Variants in ANK3 observed in about 807,000 individuals in gnomAD.
The protein encoded by ANK3 is ankyrin 3, also known as ankyrin-3.
A neutral mutation model predicts 370.9 loss-of-function variants in ANK3; 57 were observed. That is an observed-to-expected ratio of 0.15 (90% CI 0.12 to 0.19). ANK3 has a LOEUF of 0.19. Ranked by LOEUF, ANK3 falls within the 10% of genes least tolerant of loss-of-function variation. The pLI is 1.00. For missense variants in ANK3, 4,439 were observed against 5,302.1 expected (o/e 0.84, Z 5.06); for synonymous variants, 1,929 against 1,946.3 (o/e 0.99, Z 0.23).
At chr10:60,366,930 C>T (rs993104289) in intron 1 of ANK3, among the ~76,000 whole-genome samples, 2 of 152,124 alleles carry the variant, frequency 1.3e-5, no homozygotes, top group African/African-American at 4.8e-5. Context: ...AATGAAAAAA[C>T]GTGCTCTATT....
intron 2 of ANK3, among the ~76,000 whole-genome samples, chr10:60,509,465 A>G (rs2076025034): frequency 6.6e-6 from 1 of 152,178 alleles, no homozygotes; most frequent in Non-Finnish European, 1.5e-5. Context: ...CATGTTCAAG[A>G]ATGGCAAAGC....
At chr10:60,214,149 A>T (rs912675995) in intron 8 of ANK3, among the ~76,000 whole-genome samples, 22 of 152,244 alleles carry the variant, frequency 1.4e-4, no homozygotes, top group African/African-American at 5.1e-4. Context: ...TGTATTAAAA[A>T]TTTCTCTTTT....
At chr10:60,628,864 A>G (rs1595362905) in intron 1 of ANK3, among the ~76,000 whole-genome samples, 1 of 152,210 alleles carries the variant, frequency 6.6e-6, no homozygotes, top group Non-Finnish European at 1.5e-5. Flanking sequence ...AATTGACATG[A>G]CATGCCTAAC....
intron 34 of ANK3, 54 bp downstream of exon 34, chr10:60,082,561 G>A: frequency 6.3e-7 from 1 of 1,590,768 alleles, no homozygotes; most frequent in South Asian, 1.2e-5. Context: ...GCATACCAAA[G>A]GCCCACTTCT....
rs113650779 is a variant in ANK3, at chr10:60,170,995, A to G, written c.2478+1313T>C. On this transcript the variant is annotated intron_variant, in intron 21 of 43. Transcript: ENST00000280772. The stretch of plus-strand genomic sequence containing the variant: ...GACTTCAAATCTTTATAGCATTGTG[A>G]CACTTGGCTATCGTTAAATAGTTTG... Among the ~76,000 whole-genome samples, 586 of 152,308 alleles carry G rather than the reference A, an allele frequency of 3.8e-3. 4 individuals carry two copies. Among genetic ancestry groups the G allele is most frequent in the African/African-American group, 0.013 (559 of 41,572 alleles).
chr10:60,678,282 G>A (rs2079152183), intron 1 of ANK3, among the ~76,000 whole-genome samples: 1 of 152,178 alleles, frequency 6.6e-6, no homozygotes, highest in African/African-American at 2.4e-5. Context: ...AGTAAAATAG[G>A]TTATCGTATG....
chr10:60,126,592 G>C (rs1388379707), intron 25 of ANK3, among the ~76,000 whole-genome samples: 1 of 151,964 alleles, frequency 6.6e-6, no homozygotes, highest in East Asian at 1.9e-4. Flanking sequence ...GGAGGCTGAG[G>C]CATGAAAACT....
chr10:60,675,748 T>C (rs2079116440), intron 1 of ANK3, among the ~76,000 whole-genome samples: 1 of 152,220 alleles, frequency 6.6e-6, no homozygotes, highest in African/African-American at 2.4e-5. Flanking sequence ...TTTATAAATA[T>C]GTGCATTGTT....
intron 2 of ANK3, among the ~76,000 whole-genome samples, chr10:60,465,041 G>A (rs1595082403): frequency 6.6e-6 from 1 of 152,216 alleles, no homozygotes; most frequent in East Asian, 1.9e-4. Context: ...CGAGGCAGGT[G>A]CAATCACTTG....
intron 28 of ANK3, among the ~76,000 whole-genome samples, chr10:60,102,589 T>A (rs556993898): frequency 3.9e-5 from 6 of 152,236 alleles, no homozygotes; most frequent in Non-Finnish European, 8.8e-5. Context: ...TAAACTTCTC[T>A]TTCCCAGGAG....
chr10:60,645,958 T>C (rs2078704553), intron 1 of ANK3, among the ~76,000 whole-genome samples: 1 of 152,148 alleles, frequency 6.6e-6, no homozygotes, highest in African/African-American at 2.4e-5. Flanking sequence ...TTGTGATAAA[T>C]GCTCTGAAAT....
In ANK3 at chr10:60,234,720, C is replaced by G. The variant is rs200811814; in HGVS notation, c.865G>C (p.Asp289His). 1.2e-6 allele frequency: 2 copies of G among 1,613,426 alleles called. No homozygotes were observed. The highest frequency in any genetic ancestry group is 1.3e-5 in the African/African-American group (1 of 75,020). The change falls in exon 8 of 44, where the codon GAT becomes CAT. Residue 289 changes from aspartate (D) to histidine (H), a missense_variant. Asp to His is a moderately conservative substitution (Grantham distance 81). Around this residue, in one of 13 missense-constraint regions of ANK3, gnomAD observed 227 missense variants for 377.6 expected, o/e 0.60. Coordinates refer to ENST00000280772, the MANE Select transcript of ANK3 (RefSeq NM_020987.5). ...TTGGCATCGATTTTAGCTCCTCGATCGAGCAATAGTTTTACCATATTTGCA... is the reference window on the plus strand; with the variant it reads ...TTGGCATCGATTTTAGCTCCTCGATGGAGCAATAGTTTTACCATATTTGCA... ...GNANMVKLLL[D>H]RGAKIDAKTR... is the part of the protein sequence containing the mutation.
At chr10:60,682,101 C>T (rs1384554568) in intron 1 of ANK3, among the ~76,000 whole-genome samples, 1 of 152,166 alleles carries the variant, frequency 6.6e-6, no homozygotes, top group Non-Finnish European at 1.5e-5. Flanking sequence ...AAACTATGAT[C>T]ATGCCTCTGC....
chr10:60,464,298 CTA>C (rs2064960084), intron 2 of ANK3, among the ~76,000 whole-genome samples: 1 of 152,124 alleles, frequency 6.6e-6, no homozygotes, highest in African/African-American at 2.4e-5. Context: ...ACATTTTTAA[CTA>C]TAAATACTTT....
At position 60,226,479 on chromosome 10, in the gene ANK3, C is replaced by T. The variant is rs1446084307; in HGVS notation, c.897+8209G>A. Among the ~76,000 whole-genome samples the T allele has an allele frequency of 7.6e-5, 6 of 79,166 alleles. No homozygotes were observed. The East Asian group carries it at 2.0e-3, about 26-fold the overall frequency. The allele number at this position is 79,166 out of a possible 152,430, so 51.9% of individuals were successfully genotyped here. ...ATAGTATATATACATAGTATATATA[C>T]TATATATATACATATACTATAGTAT... On this transcript the variant is annotated intron_variant, in intron 8 of 43. Transcript: ENST00000280772.
intron 1 of ANK3, among the ~76,000 whole-genome samples, chr10:60,369,603 T>A (rs759410202): frequency 2.0e-5 from 3 of 152,188 alleles, no homozygotes; most frequent in Non-Finnish European, 4.4e-5. Context: ...ATTCTTATTA[T>A]AAAAAGATTT....
chr10:60,422,825 T>A (rs1268867495), intron 2 of ANK3, among the ~76,000 whole-genome samples: 1 of 152,038 alleles, frequency 6.6e-6, no homozygotes, highest in Non-Finnish European at 1.5e-5. Context: ...AATAGAAAGC[T>A]CATGTGGGAG....
At chr10:60,306,288 T>C (rs1000795741) in intron 1 of ANK3, among the ~76,000 whole-genome samples, 1 of 152,120 alleles carries the variant, frequency 6.6e-6, no homozygotes, top group Non-Finnish European at 1.5e-5. Context: ...CTCTCACTTA[T>C]AAGTGAGAAC....
intron 23 of ANK3, chr10:60,139,356 C>A: frequency 2.5e-6 from 1 of 394,764 alleles, no homozygotes; most frequent in Non-Finnish European, 4.5e-6. Context: ...CTTTGCTTCC[C>A]TGTAAGCCTC....
Sources: gnomAD v4.1 joint callset for allele counts (sites outside exome capture counted in the v4.1 genomes callset) on GRCh38, gnomAD v4.1.1 for gene constraint, gnomAD v4.1.1 regional missense constraint, MANE v1.5 for transcripts, NCBI Gene and HGNC (gene_info 2026-07-23, HGNC 2026-07-21) for gene names.